Variants in ANKRD30A observed in about 807,000 individuals in gnomAD.
ANKRD30A encodes the protein ankyrin repeat domain 30A, also known as ankyrin repeat domain-containing protein 30A.
A neutral mutation model predicts 166.3 loss-of-function variants in ANKRD30A; 170 were observed. The ratio of observed to expected loss-of-function variants is 1.02; its 90% CI spans 0.90 to 1.16. The LOEUF (loss-of-function observed/expected upper bound fraction) is 1.16. Among genes scored for constraint, ANKRD30A ranks in the 50% most tolerant of loss-of-function variants. The probability of loss-of-function intolerance (pLI) is 0.00; values close to 1 mark genes in which losing one functional copy is unlikely to be tolerated. For synonymous variants in ANKRD30A, 564 were observed against 508.9 expected (o/e 1.11, Z -1.46); for missense variants, 1,630 against 1,518.0 (o/e 1.07, Z -1.23).
rs1339099576 is a variant in ANKRD30A at position 37,165,123 on chromosome 10, A to G, written c.2032A>G (p.Lys678Glu). ...DEILPSESKQ[K>E]DYEENSWDTE... ...GATACTCCCATCAGAATCCAAACAAAAGGACTATGAAGAAAATTCTTGGGA... is the reference window on the plus strand; with the variant it reads ...GATACTCCCATCAGAATCCAAACAAGAGGACTATGAAGAAAATTCTTGGGA... Residue 678 changes from lysine (K) to glutamate (E), a missense_variant, in exon 18 of 36, where the codon AAG (lysine) becomes GAG (glutamate). Physicochemically the swap from Lys to Glu is moderately conservative, Grantham distance 56. Transcript: ENST00000361713. 31 of 1,609,056 alleles carry G rather than the reference A, an allele frequency of 1.9e-5. No homozygotes were observed. Among genetic ancestry groups the G allele is most frequent in the Non-Finnish European group, 2.5e-5 (29 of 1,175,956 alleles).
At chr10:37,140,455 T>C (rs1213730684) in intron 6 of ANKRD30A, among the ~76,000 whole-genome samples, 1 of 152,166 alleles carries the variant, frequency 6.6e-6, no homozygotes, top group Non-Finnish European at 1.5e-5. Context: ...AATGCAGAAG[T>C]CAGAAAAGCA....
intron 7 of ANKRD30A, among the ~76,000 whole-genome samples, chr10:37,142,570 CTTTTTTTTTTTT>C (rs869026268): frequency 2.2e-4 from 17 of 78,978 alleles, no homozygotes; most frequent in South Asian, 4.5e-4. Context: ...TAGGATCACA[CTTTTTTTTTTTT>C]TTTTTTTTTT....
the ANKRD30A span, among the ~76,000 whole-genome samples, chr10:37,243,185 A>G: frequency 1.5e-3 from 211 of 142,908 alleles, no homozygotes; most frequent in African/African-American, 5.2e-3. Context: ...CCCAGGCTGG[A>G]GTGCAGTGGC....
chr10:37,171,846 A>G (rs1402598801), intron 21 of ANKRD30A, among the ~76,000 whole-genome samples: 1 of 148,520 alleles, frequency 6.7e-6, no homozygotes, highest in East Asian at 2.0e-4. Context: ...TTACATGGGA[A>G]GAAGTAGTTC....
chr10:37,236,817 G>T (rs182961459), downstream of ANKRD30A, among the ~76,000 whole-genome samples: 7 of 152,214 alleles, frequency 4.6e-5, no homozygotes, highest in South Asian at 4.1e-4. Context: ...AATTGATTTT[G>T]GTAAGCCAAG....
intron 31 of ANKRD30A, among the ~76,000 whole-genome samples, chr10:37,213,182 A>G (rs1330696327): frequency 6.6e-6 from 1 of 151,676 alleles, no homozygotes; most frequent in South Asian, 2.1e-4. Flanking sequence ...TGTAGTTGGG[A>G]GCTTATCGGC....
At chr10:37,197,509 A>T (rs1174416347) in intron 29 of ANKRD30A, 29 bp downstream of exon 29, 1 of 1,611,620 alleles carries the variant, frequency 6.2e-7, no homozygotes, top group Admixed American at 1.7e-5. Context: ...CTATGCGAAG[A>T]CCAATATTTC....
chr10:37,145,586 A>T (rs1209129453), intron 8 of ANKRD30A, among the ~76,000 whole-genome samples: 1 of 151,658 alleles, frequency 6.6e-6, no homozygotes, highest in Non-Finnish European at 1.5e-5. Flanking sequence ...AGTTTCAGAC[A>T]CTTGTGTAGT....
chr10:37,154,937 G>A (rs908615465), intron 13 of ANKRD30A, among the ~76,000 whole-genome samples: 17 of 152,250 alleles, frequency 1.1e-4, no homozygotes, highest in African/African-American at 4.1e-4. Context: ...ATGTATGTAT[G>A]TATGTTGTTG....
At chr10:37,129,253 AT>A (rs1339121882) in intron 1 of ANKRD30A, among the ~76,000 whole-genome samples, 3 of 152,186 alleles carry the variant, frequency 2.0e-5, no homozygotes, top group Non-Finnish European at 4.4e-5. Flanking sequence ...CCAATAAAAG[AT>A]TGTTTAAATT....
downstream of ANKRD30A, chr10:37,232,571 A>AT (rs1293274398): frequency 6.8e-6 from 1 of 146,794 alleles, no homozygotes; most frequent in Non-Finnish European, 1.5e-5. Context: ...CAACCAGGTG[A>AT]TTTTACTCAT....
Position 37,141,757 on chromosome 10 carries a change from T to TGATGA in ANKRD30A, c.861_862insATGAG (p.Ala288MetfsTer111). ...GGAACACCTGATGAGGCTGCACCCT[T>TGATGA]GGCGGAAAGAACACCTGACACAGCT... On this transcript the variant is annotated frameshift_variant, in exon 7 of 36. Coordinates refer to ENST00000361713, the MANE Select transcript of ANKRD30A (RefSeq NM_052997.3). LOFTEE classifies it high-confidence loss of function. The TGATGA allele has an allele frequency of 6.2e-7, 1 of 1,611,936 alleles. No homozygotes were observed. Among genetic ancestry groups the TGATGA allele is most frequent in the Admixed American group, 1.7e-5 (1 of 59,964 alleles).
At chr10:37,162,950 A>G (rs1839049684) in intron 17 of ANKRD30A, 102 bp downstream of exon 17, 10 of 1,431,308 alleles carry the variant, frequency 7.0e-6, no homozygotes, top group South Asian at 2.6e-5. Context: ...CTTTGATGAA[A>G]AGATTTGATC....
intron 13 of ANKRD30A, among the ~76,000 whole-genome samples, chr10:37,157,989 A>G (rs1429175362): frequency 1.3e-5 from 2 of 151,956 alleles, no homozygotes; most frequent in African/African-American, 4.8e-5. Context: ...TTTCCTTAAC[A>G]ATATGCCATA....
the ANKRD30A span, among the ~76,000 whole-genome samples, chr10:37,253,948 T>G: frequency 6.6e-6 from 1 of 152,060 alleles, no homozygotes; most frequent in African/African-American, 2.4e-5. Flanking sequence ...CTGCGCCCAG[T>G]CTATTATAAA....
At position 37,215,377 on chromosome 10, in the gene ANKRD30A, T is replaced by C. The variant is rs139283030; in HGVS notation, c.2870-804T>C. 3.1e-3 allele frequency among the ~76,000 whole-genome samples: 463 copies of C among 151,512 alleles called. 3 individuals carry two copies. The highest frequency in any genetic ancestry group is 0.01 in the African/African-American group (432 of 41,460). On this transcript the variant is annotated intron_variant, in intron 31 of 35. Transcript: ENST00000361713. ...GTAGTTTTCTGACTCACATGCAATC[T>C]TTATTATTTTGCTAAATAGTAGGAG...
rs929032632 is a variant in ANKRD30A, at chr10:37,145,138, G to A, written c.1455+82G>A. The stretch of plus-strand genomic sequence containing the variant: ...ATATAAAGTCAGAGGCTTTGACTTG[G>A]TTTTCTTACCACTGCCTATGCTCAG... On this transcript the variant is annotated intron_variant, in intron 8 of 35. Transcript: ENST00000361713. The A allele has an allele frequency of 9.9e-6, 11 of 1,114,512 alleles. No homozygotes were observed. The Admixed American group carries it at 2.0e-4, about 20-fold the overall frequency. The allele number at this position is 1,114,512 out of a possible 1,614,324, so 69.0% of individuals were successfully genotyped here. A position where few individuals can be genotyped will look rare whatever the true frequency, so the allele number is the denominator to read the frequency against.
At chr10:37,204,809 A>C (rs1841880394) in intron 31 of ANKRD30A, among the ~76,000 whole-genome samples, 1 of 152,220 alleles carries the variant, frequency 6.6e-6, no homozygotes, top group African/African-American at 2.4e-5. Context: ...GACACTTCTC[A>C]AAAGAAGATA....
the ANKRD30A span, among the ~76,000 whole-genome samples, chr10:37,254,143 TA>T: frequency 6.6e-6 from 1 of 152,212 alleles, no homozygotes; most frequent in East Asian, 1.9e-4. Context: ...TTTAGGCTAT[TA>T]TTAATAATTA....
Sources: allele counts gnomAD v4.1 joint callset (sites outside exome capture counted in the v4.1 genomes callset), GRCh38; gene constraint gnomAD v4.1.1; transcripts MANE v1.5; gene names NCBI Gene and HGNC (gene_info 2026-07-23, HGNC 2026-07-21).